Variants in EPB41 observed in about 807,000 individuals in gnomAD.
The protein encoded by EPB41 is erythrocyte membrane protein band 4.1.
In EPB41, 65 loss-of-function variants were observed where a neutral mutation model predicts 108.0. The ratio of observed to expected loss-of-function variants is 0.60; its 90% CI spans 0.49 to 0.74. The LOEUF is 0.74. Among genes scored for constraint, EPB41 ranks in the 30% least tolerant of loss-of-function variants. The pLI, the probability that EPB41 is intolerant of heterozygous loss-of-function variation, is 0.00. For missense variants in EPB41, 875 were observed against 1,037.0 expected (o/e 0.84, Z 2.15); for synonymous variants, 336 against 358.9 (o/e 0.94, Z 0.72).
At chr1:29,053,612 T>G (rs1644876740) in intron 12 of EPB41, 1 of 285,916 alleles carries the variant, frequency 3.5e-6, no homozygotes, top group Non-Finnish European at 6.7e-6. Flanking sequence ...CAGGCTGGAG[T>G]GCAGTGGTGC....
intron 19 of EPB41, among the ~76,000 whole-genome samples, chr1:29,113,105 T>G (rs1158864149): frequency 6.6e-6 from 1 of 152,172 alleles, no homozygotes; most frequent in African/African-American, 2.4e-5. Context: ...CTAGATAATT[T>G]CTGGGCCTGA....
intron 1 of EPB41, among the ~76,000 whole-genome samples, chr1:28,935,013 G>T (rs888538281): frequency 6.6e-6 from 1 of 152,004 alleles, no homozygotes; most frequent in African/African-American, 2.4e-5. Flanking sequence ...TACTCAGGAG[G>T]CTGAGGGAGG....
chr1:28,926,569 G>T (rs555659073), intron 1 of EPB41, among the ~76,000 whole-genome samples: 9 of 152,308 alleles, frequency 5.9e-5, no homozygotes, highest in African/African-American at 2.2e-4. Context: ...CAAAGCCAAT[G>T]ATTTCTTACT....
At chr1:28,956,192 T>G (rs1357073870) in intron 1 of EPB41, among the ~76,000 whole-genome samples, 2 of 152,194 alleles carry the variant, frequency 1.3e-5, no homozygotes, top group African/African-American at 4.8e-5. Flanking sequence ...CCTAATTCGC[T>G]AGGAACACAC....
intron 1 of EPB41, among the ~76,000 whole-genome samples, chr1:28,898,797 C>T (rs560282670): frequency 3.3e-5 from 5 of 152,382 alleles, no homozygotes; most frequent in African/African-American, 1.2e-4. Flanking sequence ...CACTCTCCCA[C>T]CCCCTGCACT....
intron 1 of EPB41, among the ~76,000 whole-genome samples, chr1:28,960,736 A>T (rs1057500473): frequency 6.6e-6 from 1 of 150,956 alleles, no homozygotes; most frequent in Non-Finnish European, 1.5e-5. Context: ...AAAAAAATTT[A>T]AAAAAAGAAG....
At chr1:28,923,838 A>G (rs1050811828) in intron 1 of EPB41, among the ~76,000 whole-genome samples, 1 of 152,156 alleles carries the variant, frequency 6.6e-6, no homozygotes, top group Admixed American at 6.5e-5. Context: ...ATGTTTTTAA[A>G]TTTTTATCAT....
At chr1:29,001,146 A>G (rs564642214) in intron 4 of EPB41, among the ~76,000 whole-genome samples, 11 of 152,210 alleles carry the variant, frequency 7.2e-5, no homozygotes, top group East Asian at 5.8e-4. Context: ...CCTGGCCAAC[A>G]TTGTGAAACC....
chr1:28,994,157 G>A (rs937255015), intron 3 of EPB41, among the ~76,000 whole-genome samples: 5 of 151,866 alleles, frequency 3.3e-5, no homozygotes, highest in Admixed American at 3.3e-4. Context: ...TTCAGGACAA[G>A]TTGACAATTT....
intron 7 of EPB41, among the ~76,000 whole-genome samples, chr1:29,029,065 A>G (rs571677321): frequency 3.9e-5 from 6 of 152,004 alleles, no homozygotes; most frequent in African/African-American, 1.4e-4. Context: ...AAATTCTAAA[A>G]TTCATCTCGT....
In EPB41 at chr1:29,088,045, C is replaced by CTTTTTTTTTTTTTTTTTTTTTTT. The variant is rs750809586; in HGVS notation, c.2185-9755_2185-9754insTTTTTTTTTTTTTTTTTTTTTTT. On this transcript the variant is annotated intron_variant, in intron 16 of 20. Coordinates refer to ENST00000343067, the MANE Select transcript of EPB41 (RefSeq NM_001376013.1). ...CATCTTTTTTCCTTTTTCTTTTTTT[C>CTTTTTTTTTTTTTTTTTTTTTTT]TTTTTTTCTTTTTTTTTTGAGATGG... Among the ~76,000 whole-genome samples the CTTTTTTTTTTTTTTTTTTTTTTT allele has an allele frequency of 1.5e-5, 2 of 131,576 alleles. 1 individual carries two copies. The allele number at this position is 131,576 out of a possible 152,430, so 86.3% of individuals were successfully genotyped here.
At chr1:28,958,909 G>A (rs1355647479) in intron 1 of EPB41, among the ~76,000 whole-genome samples, 1 of 151,442 alleles carries the variant, frequency 6.6e-6, no homozygotes, top group Non-Finnish European at 1.5e-5. Flanking sequence ...AAATAAAGAT[G>A]TCTAGGTATA....
intron 1 of EPB41, among the ~76,000 whole-genome samples, chr1:28,978,309 T>A (rs1239173406): frequency 1.3e-5 from 2 of 151,500 alleles, no homozygotes; most frequent in Admixed American, 1.3e-4. Context: ...AAAGACACAA[T>A]CCTAAACACC....
intron 1 of EPB41, among the ~76,000 whole-genome samples, chr1:28,890,055 T>G (rs2089956895): frequency 6.6e-6 from 1 of 151,988 alleles, no homozygotes; most frequent in Admixed American, 6.6e-5. Context: ...TTTGTTTTTT[T>G]GAGACAGAGT....
chr1:28,987,889 G>T lies in EPB41; in HGVS notation c.452G>T (p.Ser151Ile). 6.2e-7 allele frequency: 1 copy of T among 1,614,210 alleles called. No individual in the cohort carries two copies. The highest frequency in any genetic ancestry group is 1.1e-5 in the South Asian group (1 of 91,086). ...CCATCTTTGGATCTTCATTCATTAA[G>T]CAGTGCAGAAACACAGGTAAGGATG... The part of the protein sequence containing the change: ...TDPSLDLHSL[S>I]SAETQPAQEE... Residue 151 changes from serine (S) to isoleucine (I), a missense_variant, in exon 2 of 21, where the codon AGC becomes ATC. Ser to Ile is a moderately radical substitution (Grantham distance 142, BLOSUM62 -2). This residue lies in a region of EPB41 where 353 missense variants were observed against 393.2 expected (regional missense o/e 0.90). Transcript: ENST00000343067.
At chr1:28,917,974 T>A (rs1022469220) in intron 1 of EPB41, among the ~76,000 whole-genome samples, 5 of 152,166 alleles carry the variant, frequency 3.3e-5, no homozygotes, top group South Asian at 4.1e-4. Flanking sequence ...TACTTTTTTT[T>A]AATGTAGTAA....
At chr1:28,951,395 C>A (rs2094715799) in intron 1 of EPB41, among the ~76,000 whole-genome samples, 1 of 138,412 alleles carries the variant, frequency 7.2e-6, no homozygotes, top group Non-Finnish European at 1.5e-5. Context: ...CACACACACA[C>A]AAATGTGATG....
chr1:28,908,163 AG>A (rs1228072268), intron 1 of EPB41, among the ~76,000 whole-genome samples: 1 of 151,564 alleles, frequency 6.6e-6, no homozygotes. Flanking sequence ...GCACTTTGGG[AG>A]GCCGAGTCGG....
intron 1 of EPB41, among the ~76,000 whole-genome samples, chr1:28,896,451 T>C (rs886772524): frequency 7.2e-5 from 11 of 152,206 alleles, no homozygotes; most frequent in Non-Finnish European, 1.3e-4. Flanking sequence ...TGTCAGGCCC[T>C]GTGCTGGGCA....
Sources: gnomAD v4.1 joint callset for allele counts (sites outside exome capture counted in the v4.1 genomes callset) on GRCh38, gnomAD v4.1.1 for gene constraint, gnomAD v4.1.1 regional missense constraint, MANE v1.5 for transcripts, NCBI Gene and HGNC (gene_info 2026-07-23, HGNC 2026-07-21) for gene names.